Variants in PRKN observed in about 807,000 individuals in gnomAD.
The protein encoded by PRKN is parkin RBR E3 ubiquitin protein ligase.
In PRKN, 56 loss-of-function variants were observed where a neutral mutation model predicts 59.5. The ratio of observed to expected loss-of-function variants is 0.94; its 90% CI spans 0.76 to 1.18. The LOEUF is 1.18. Ranked by LOEUF, PRKN falls within the 50% of genes most tolerant of loss-of-function variation. PRKN has a pLI of 0.00. For missense variants in PRKN, 657 were observed against 596.4 expected, an observed-to-expected ratio of 1.10 and a Z score of -1.06; for synonymous variants, 250 against 222.1, an observed-to-expected ratio of 1.13 and a Z score of -1.12.
At chr6:161,435,645 T>C (rs540756356) in intron 9 of PRKN, among the ~76,000 whole-genome samples, 16 of 152,080 alleles carry the variant, frequency 1.1e-4, no homozygotes, top group African/African-American at 3.9e-4. Context: ...CAGGACCCGC[T>C]TATCCAGCTC....
At chr6:162,374,118 A>G (rs1196391751) in intron 2 of PRKN, among the ~76,000 whole-genome samples, 1 of 152,228 alleles carries the variant, frequency 6.6e-6, no homozygotes, top group African/African-American at 2.4e-5. Context: ...GCAAGGAGGC[A>G]GCTTAGGCTA....
intron 6 of PRKN, among the ~76,000 whole-genome samples, chr6:161,817,722 G>A (rs1021581811): frequency 4.6e-5 from 7 of 152,178 alleles, no homozygotes; most frequent in African/African-American, 1.4e-4. Context: ...GGTTTATATA[G>A]ACTAAGTTAC....
In PRKN at chr6:161,458,915, T is replaced by TG. The variant is rs1480630480; in HGVS notation, c.1084-72039_1084-72038insC. Among the ~76,000 whole-genome samples, 1 of 77,040 alleles carries TG rather than the reference T, an allele frequency of 1.3e-5. No individual in the cohort carries two copies. Among genetic ancestry groups the TG allele is most frequent in the Non-Finnish European group, 2.5e-5 (1 of 39,374 alleles). The allele number at this position is 77,040 out of a possible 152,430, so 50.5% of individuals were successfully genotyped here. ...TAATTACCAGAAGCCATTTTCATGT[T>TG]TTTTTTTTTCTTTTTAAAGTGCATA... On this transcript the variant is annotated intron_variant, in intron 9 of 11. Transcript: ENST00000366898. The surrounding 1 kb of genome is among the most constrained non-coding windows in gnomAD (Gnocchi z 6.1).
chr6:162,499,086 G>T (rs1047894504), intron 1 of PRKN, among the ~76,000 whole-genome samples: 2 of 152,082 alleles, frequency 1.3e-5, no homozygotes, highest in Non-Finnish European at 1.5e-5. Flanking sequence ...GTAAGTCCAG[G>T]TCTTCTGCGG....
At chr6:162,035,083 G>C (rs1221794639) in intron 5 of PRKN, among the ~76,000 whole-genome samples, 10 of 152,124 alleles carry the variant, frequency 6.6e-5, no homozygotes, top group Non-Finnish European at 1.3e-4. Context: ...AGGTGAAGGG[G>C]AGTCTACATA....
At chr6:162,648,404 T>C (rs1308556708) in intron 1 of PRKN, among the ~76,000 whole-genome samples, 5 of 139,810 alleles carry the variant, frequency 3.6e-5, no homozygotes, top group Non-Finnish European at 7.7e-5. Context: ...TTTTTTAAGA[T>C]GGAGTCTTGC....
intron 2 of PRKN, among the ~76,000 whole-genome samples, chr6:162,422,249 T>G (rs1789007667): frequency 6.6e-6 from 1 of 151,786 alleles, no homozygotes; most frequent in Admixed American, 6.6e-5. Context: ...AAGGGCTACT[T>G]AATAATATTT....
chr6:162,545,475 A>G (rs909705720), intron 1 of PRKN, among the ~76,000 whole-genome samples: 7 of 152,134 alleles, frequency 4.6e-5, no homozygotes, highest in African/African-American at 1.7e-4. Context: ...GGTGCAAGTA[A>G]GTTGCTTGCC....
chr6:161,952,355 T>C (rs941473236), intron 6 of PRKN, among the ~76,000 whole-genome samples: 2 of 152,088 alleles, frequency 1.3e-5, no homozygotes, highest in Admixed American at 6.5e-5. Context: ...CCGTGGCTCA[T>C]GCCTGTAATC....
chr6:162,595,622 AGT>A (rs1457389548), intron 1 of PRKN, among the ~76,000 whole-genome samples: 1 of 151,996 alleles, frequency 6.6e-6, no homozygotes, highest in Non-Finnish European at 1.5e-5. Flanking sequence ...AAATATCTTT[AGT>A]GTTGCTCTAT....
intron 2 of PRKN, among the ~76,000 whole-genome samples, chr6:162,316,043 C>A (rs761847419): frequency 6.6e-6 from 1 of 151,984 alleles, no homozygotes; most frequent in Non-Finnish European, 1.5e-5. Context: ...CTGGAGATGG[C>A]CCTGGAAGGG....
chr6:162,719,269 C>T (rs1322423739), intron 1 of PRKN, among the ~76,000 whole-genome samples: 1 of 152,122 alleles, frequency 6.6e-6, no homozygotes, highest in Non-Finnish European at 1.5e-5. Context: ...ATCATGCAGT[C>T]TACATTTGTC....
chr6:162,605,347 G>A (rs570337498), intron 1 of PRKN, among the ~76,000 whole-genome samples: 7 of 152,038 alleles, frequency 4.6e-5, no homozygotes, highest in Admixed American at 6.6e-5. Context: ...TCAAATTACC[G>A]ACAATGTTAC....
intron 4 of PRKN, among the ~76,000 whole-genome samples, chr6:162,111,457 T>C (rs1455220408): frequency 2.1e-5 from 3 of 146,228 alleles, no homozygotes; most frequent in Admixed American, 6.8e-5. Context: ...AGAGTGAGAC[T>C]CTGTCTAAAA....
At position 161,678,558 on chromosome 6, in the gene PRKN, T is replaced by C. The variant is rs150292388; in HGVS notation, c.871+107214A>G. Reference sequence around the variant, plus strand: ...AAAACCTTTAAATTCCACTCTTATTTTGGTGCCTGATTTTTTTTTTTTTTT... The same window carrying C: ...AAAACCTTTAAATTCCACTCTTATTCTGGTGCCTGATTTTTTTTTTTTTTT... On this transcript the variant is annotated intron_variant, in intron 7 of 11. Transcript: ENST00000366898. Among the ~76,000 whole-genome samples the C allele has an allele frequency of 1.5e-3, 232 of 150,502 alleles. 7 individuals are homozygous for C. The East Asian group carries it at 0.028, about 18-fold the overall frequency.
chr6:162,639,008 A>G (rs1412411163), intron 1 of PRKN, among the ~76,000 whole-genome samples: 2 of 151,998 alleles, frequency 1.3e-5, no homozygotes, highest in African/African-American at 4.8e-5. Flanking sequence ...CCTTTCATAC[A>G]TATCTCTATG....
At chr6:161,957,411 T>TG (rs879802399) in intron 6 of PRKN, among the ~76,000 whole-genome samples, 40 of 102,852 alleles carry the variant, frequency 3.9e-4, no homozygotes, top group East Asian at 5.2e-4. Flanking sequence ...TTCTTGTTGT[T>TG]TTTTTTTTGT....
chr6:161,612,354 C>T (rs1012949983), intron 7 of PRKN, among the ~76,000 whole-genome samples: 1 of 152,168 alleles, frequency 6.6e-6, no homozygotes. Flanking sequence ...TCCTTAGGAG[C>T]TAATATAGCT....
chr6:161,495,227 C>T (rs923860836), intron 9 of PRKN, among the ~76,000 whole-genome samples: 23 of 152,188 alleles, frequency 1.5e-4, no homozygotes, highest in African/African-American at 5.3e-4. Context: ...GGACTACCCA[C>T]ATTTTGAGTG....
Sources: allele counts gnomAD v4.1 joint callset (sites outside exome capture counted in the v4.1 genomes callset), GRCh38; gene constraint gnomAD v4.1.1; non-coding constraint Gnocchi (gnomAD v3.1); transcripts MANE v1.5; gene names NCBI Gene and HGNC (gene_info 2026-07-23, HGNC 2026-07-21).